The following PCDHGA7 variants were observed in gnomAD, a reference collection of about 807,000 sequenced individuals.
PCDHGA7 encodes the protein protocadherin gamma subfamily A, 7.
PCDHGA7 carries 44 observed loss-of-function variants against 58.3 expected under a neutral mutation model. The ratio of observed to expected loss-of-function variants is 0.75; its 90% CI spans 0.59 to 0.97. PCDHGA7 has a LOEUF of 0.97. PCDHGA7 is among the 50% of genes least tolerant of loss of function. PCDHGA7 has a pLI of 0.00. For missense variants in PCDHGA7, 1,266 were observed against 1,188.7 expected, an observed-to-expected ratio of 1.06 and a Z score of -0.96; for synonymous variants, 516 against 504.2, an observed-to-expected ratio of 1.02 and a Z score of -0.31.
Position 141,405,325 on chromosome 5 carries a change from G to C in PCDHGA7, c.2424+20002G>C, listed in dbSNP as rs17097274. ...AGAGCTGTGAGAAAAATGAGCCTTT[G>C]TGCGTCTCTGTTGATTCCAAGTTTC... On this transcript the variant is annotated intron_variant, in intron 1 of 3. Transcript: ENST00000518325. The C allele has an allele frequency of 9.4e-4, 1,513 of 1,614,170 alleles. 9 individuals are homozygous for C. The African/African-American group carries it at 0.016, about 17-fold the overall frequency.
At chr5:141,474,658 A>G (rs950490550) in intron 1 of PCDHGA7, among the ~76,000 whole-genome samples, 13 of 152,176 alleles carry the variant, frequency 8.5e-5, no homozygotes, top group African/African-American at 3.1e-4. Flanking sequence ...CTTCTTTTCT[A>G]CCTACCTAAC....
chr5:141,496,287 C>T (rs768553690), intron 2 of PCDHGA7, among the ~76,000 whole-genome samples: 3 of 152,200 alleles, frequency 2.0e-5, no homozygotes, highest in Non-Finnish European at 4.4e-5. Flanking sequence ...TTGGTCTGAG[C>T]AGAGTGGGAT....
At chr5:141,455,959 G>A (rs112864392) in intron 1 of PCDHGA7, among the ~76,000 whole-genome samples, 2 of 150,430 alleles carry the variant, frequency 1.3e-5, no homozygotes. Flanking sequence ...GTGCAGTGGC[G>A]CGATCTCAGC....
At chr5:141,417,256 C>G (rs985322130) in intron 1 of PCDHGA7, 1 of 152,096 alleles carries the variant, frequency 6.6e-6, no homozygotes, top group Non-Finnish European at 1.5e-5. Flanking sequence ...CTTCCAGCTT[C>G]ATAGATAATT....
At chr5:141,394,463 G>C (rs1244366845) in intron 1 of PCDHGA7, 1 of 1,614,130 alleles carries the variant, frequency 6.2e-7, no homozygotes, top group Non-Finnish European at 8.5e-7. Flanking sequence ...CACTGAGCCT[G>C]TTCGTGCTGG....
intron 1 of PCDHGA7, among the ~76,000 whole-genome samples, chr5:141,457,289 G>A (rs907200077): frequency 2.0e-5 from 3 of 152,146 alleles, no homozygotes; most frequent in Non-Finnish European, 4.4e-5. Context: ...GAAGTTCCTT[G>A]GTTTTATTTT....
At position 141,403,830 on chromosome 5, in the gene PCDHGA7, A is replaced by G. The variant is rs763794433; in HGVS notation, c.2424+18507A>G. On this transcript the variant is annotated intron_variant, in intron 1 of 3. Coordinates refer to ENST00000518325, the MANE Select transcript of PCDHGA7 (RefSeq NM_018920.4). ...AATGAAAAACAATCTCTGCTATTCC[A>G]GCTTAATGAAAATACTGGGGAAATA... The G allele has an allele frequency of 3.7e-6, 6 of 1,613,754 alleles. No individual in the cohort carries two copies. In the Admixed American group the frequency reaches 5.0e-5, roughly 13 times the overall value.
Position 141,487,070 on chromosome 5 carries a change from C to T in PCDHGA7, c.2425-7737C>T. ...TGCTGGGGAGGTGCGGACGGCTGTT[C>T]CTATCCCAGCTGACCTCCCACCACA... On this transcript the variant is annotated intron_variant, in intron 1 of 3. Coordinates refer to ENST00000518325, the MANE Select transcript of PCDHGA7 (RefSeq NM_018920.4). This position sits in a 1 kb window ranked among gnomAD's most constrained non-coding sequence, Gnocchi z 5.0. The T allele has an allele frequency of 6.2e-7, 1 of 1,614,154 alleles. No homozygotes were observed. Among genetic ancestry groups the T allele is most frequent in the Non-Finnish European group, 8.5e-7 (1 of 1,180,008 alleles).
At chr5:141,398,375 A>C in intron 1 of PCDHGA7, 2 of 1,437,542 alleles carry the variant, frequency 1.4e-6, no homozygotes, top group East Asian at 4.7e-5. Flanking sequence ...GAGAGCGGGG[A>C]GTTGCTTGTG....
In PCDHGA7 at chr5:141,511,308, G is replaced by A. The variant is rs76613492; in HGVS notation, c.*135G>A. ...AGGGGCCAAGGCCATGCTCCCCTTG[G>A]GAAACAGAAACAAGTGCCCAGTCAG... is the stretch of plus-strand genomic sequence containing the variant. On this transcript the variant is annotated 3_prime_UTR_variant, in exon 4 of 4. Coordinates refer to ENST00000518325, the MANE Select transcript of PCDHGA7 (RefSeq NM_018920.4). 1.1e-3 allele frequency: 1,589 copies of A among 1,487,716 alleles called. 16 individuals carry two copies. In the African/African-American group the frequency reaches 0.021, roughly 19 times the overall value. The allele number at this position is 1,487,716 out of a possible 1,614,324, so 92.2% of individuals were successfully genotyped here.
At chr5:141,445,782 G>A (rs530081823) in intron 1 of PCDHGA7, among the ~76,000 whole-genome samples, 1 of 152,310 alleles carries the variant, frequency 6.6e-6, no homozygotes, top group East Asian at 1.9e-4. Flanking sequence ...AAGGGCTAGG[G>A]AGGCTAGAAA....
At chr5:141,389,330 C>A in intron 1 of PCDHGA7, 2 of 1,614,000 alleles carry the variant, frequency 1.2e-6, no homozygotes, top group Non-Finnish European at 1.7e-6. Context: ...TGGGGCCCAA[C>A]GGCCAAGTCT....
intron 2 of PCDHGA7, among the ~76,000 whole-genome samples, chr5:141,496,505 A>G (rs1166234572): frequency 1.3e-5 from 2 of 152,144 alleles, no homozygotes; most frequent in Non-Finnish European, 2.9e-5. Flanking sequence ...TGTTGCCACA[A>G]GGACCCAGGA....
intron 1 of PCDHGA7, chr5:141,393,048 C>A (rs745354934): frequency 3.7e-6 from 6 of 1,613,672 alleles, no homozygotes; most frequent in Non-Finnish European, 5.1e-6. Flanking sequence ...TGCTCTGAAC[C>A]CGCGCAGCGG....
At chr5:141,395,085 T>C (rs2093165281) in intron 1 of PCDHGA7, 1 of 1,614,026 alleles carries the variant, frequency 6.2e-7, no homozygotes, top group South Asian at 1.1e-5. Flanking sequence ...CCAGGAAGTC[T>C]CCCTCACCGC....
chr5:141,412,634 A>G (rs1322492563), intron 1 of PCDHGA7: 1 of 152,256 alleles, frequency 6.6e-6, no homozygotes, highest in African/African-American at 2.4e-5. Flanking sequence ...TTAAATTATA[A>G]GACTTTTCTG....
Position 141,491,466 on chromosome 5 carries a change from T to G in PCDHGA7, c.2425-3341T>G. The G allele has an allele frequency of 6.2e-7, 1 of 1,614,068 alleles. No individual in the cohort carries two copies. Among genetic ancestry groups the G allele is most frequent in the Non-Finnish European group, 8.5e-7 (1 of 1,179,986 alleles). ...AGGACTCACCCTCCCCGGACTTCTA[T>G]AAGCAGTCCAGCCCCAACCTGCAGG... On this transcript the variant is annotated intron_variant, in intron 1 of 3. Coordinates refer to ENST00000518325, the MANE Select transcript of PCDHGA7 (RefSeq NM_018920.4). This position sits in a 1 kb window ranked among gnomAD's most constrained non-coding sequence, Gnocchi z 6.9.
chr5:141,432,935 C>T lies in PCDHGA7; in HGVS notation c.2424+47612C>T. The T allele has an allele frequency of 4.3e-6, 7 of 1,614,218 alleles. No homozygotes were observed. The highest frequency in any genetic ancestry group is 5.1e-6 in the Non-Finnish European group (6 of 1,180,046). On this transcript the variant is annotated intron_variant, in intron 1 of 3. Transcript: ENST00000518325. This position sits in a 1 kb window ranked among gnomAD's most constrained non-coding sequence, Gnocchi z 6.0. The stretch of plus-strand genomic sequence containing the variant: ...GCGCTGGCACAAGTCACGCCTGCTG[C>T]AGGCTTCAGGAGGCGGCTTGACAGG...
At position 141,389,670 on chromosome 5, in the gene PCDHGA7, T is replaced by A. The variant is rs2091868205; in HGVS notation, c.2424+4347T>A. 3 of 1,612,454 alleles carry A rather than the reference T, an allele frequency of 1.9e-6. No homozygotes were observed. The East Asian group carries it at 6.7e-5, about 36-fold the overall frequency. On this transcript the variant is annotated intron_variant, in intron 1 of 3. Transcript: ENST00000518325. The stretch of plus-strand genomic sequence containing the variant: ...CAAGGTAGTGGCGGTGGACGCAGAC[T>A]CAGGACACAACGCCTGGCTGTCCTA...
Sources: gnomAD v4.1 joint callset for allele counts (sites outside exome capture counted in the v4.1 genomes callset) on GRCh38, gnomAD v4.1.1 for gene constraint, Gnocchi (gnomAD v3.1) non-coding constraint, MANE v1.5 for transcripts, NCBI Gene and HGNC (gene_info 2026-07-23, HGNC 2026-07-21) for gene names.